The following TAF1A variants were observed in gnomAD, a reference collection of about 807,000 sequenced individuals.
The protein encoded by TAF1A is TATA box-binding protein-associated factor RNA polymerase I subunit A.
Under a neutral mutation model 61.6 loss-of-function variants are expected in TAF1A, and 42 were observed. The observed-to-expected ratio is 0.68, with a 90% CI of 0.53 to 0.88. The LOEUF (loss-of-function observed/expected upper bound fraction) is 0.88. Ranked by LOEUF, TAF1A falls within the 40% of genes least tolerant of loss-of-function variation. The pLI is 0.00. For synonymous variants in TAF1A, 179 were observed against 177.7 expected (o/e 1.01, Z -0.06); for missense variants, 424 against 518.7 (o/e 0.82, Z 1.77).
intron 5 of TAF1A, among the ~76,000 whole-genome samples, chr1:222,575,763 C>G (rs979427547): frequency 6.6e-6 from 1 of 152,120 alleles, no homozygotes; most frequent in African/African-American, 2.4e-5. Context: ...CATCTAAGAG[C>G]TCTACATATT....
chr1:222,568,575 G>C (rs1034023773), intron 7 of TAF1A, among the ~76,000 whole-genome samples: 5 of 152,096 alleles, frequency 3.3e-5, no homozygotes, highest in African/African-American at 9.7e-5. Context: ...ACCCACAAGA[G>C]GCTATTATTC....
At chr1:222,560,713 C>G (rs1558139901) in intron 10 of TAF1A, among the ~76,000 whole-genome samples, 1 of 152,090 alleles carries the variant, frequency 6.6e-6, no homozygotes, top group Non-Finnish European at 1.5e-5. Context: ...CCTTAAGCTC[C>G]CTAGCAATGG....
chr1:222,587,057 T>G (rs1661044247), intron 2 of TAF1A, among the ~76,000 whole-genome samples: 1 of 152,216 alleles, frequency 6.6e-6, no homozygotes, highest in Admixed American at 6.5e-5. Flanking sequence ...AAGTATGACT[T>G]AACTATAGGA....
intron 4 of TAF1A, among the ~76,000 whole-genome samples, chr1:222,578,656 C>T (rs958601124): frequency 2.6e-5 from 4 of 152,172 alleles, no homozygotes; most frequent in African/African-American, 9.7e-5. Flanking sequence ...CCTGATTCCC[C>T]TACCCATTAA....
At chr1:222,557,028 A>G (rs146429679), downstream of TAF1A, among the ~76,000 whole-genome samples, 792 of 152,312 alleles carry the variant, frequency 5.2e-3, 5 homozygotes, top group Non-Finnish European at 8.3e-3. Context: ...TTCTTTATTG[A>G]TAGACCTTTC....
chr1:222,564,026 T>G, intron 8 of TAF1A, 33 bp downstream of exon 8: 2 of 1,354,130 alleles, frequency 1.5e-6, no homozygotes, highest in Non-Finnish European at 2.1e-6. Context: ...ATAGCTTGTC[T>G]ACACAAGGTA....
At chr1:222,555,029 A>G (rs1012739477), downstream of TAF1A, among the ~76,000 whole-genome samples, 1 of 152,246 alleles carries the variant, frequency 6.6e-6, no homozygotes, top group African/African-American at 2.4e-5. Context: ...CAAATTGCTA[A>G]CAGGTATATG....
intron 4 of TAF1A, among the ~76,000 whole-genome samples, 159 bp from the exon 5 acceptor site, chr1:222,577,802 TA>T (rs1195504223): frequency 4.6e-5 from 7 of 152,200 alleles, no homozygotes; most frequent in African/African-American, 1.7e-4. Flanking sequence ...GGCAAAGAAG[TA>T]AGACATAGGA....
intron 5 of TAF1A, among the ~76,000 whole-genome samples, chr1:222,576,560 T>C (rs912343006): frequency 6.6e-6 from 1 of 152,162 alleles, no homozygotes; most frequent in Non-Finnish European, 1.5e-5. Context: ...AATGCAAATC[T>C]GGGCATAAAT....
chr1:222,568,181 GAAAA>G (rs34547178), intron 7 of TAF1A, among the ~76,000 whole-genome samples: 1 of 119,400 alleles, frequency 8.4e-6, no homozygotes. Context: ...AACACATCTA[GAAAA>G]AAAAAAAAAA....
chr1:222,562,178 A>T (rs997036281), intron 9 of TAF1A, among the ~76,000 whole-genome samples: 2 of 152,180 alleles, frequency 1.3e-5, no homozygotes, highest in African/African-American at 4.8e-5. Flanking sequence ...GGTATACAAC[A>T]TGTTTCATAT....
intron 6 of TAF1A, 38 bp from the exon 7 acceptor site, chr1:222,569,706 G>T: frequency 6.4e-7 from 1 of 1,553,990 alleles, no homozygotes; most frequent in African/African-American, 1.4e-5. Context: ...GCTGAATTCT[G>T]TAAGACAGCT....
chr1:222,588,631 G>A (rs1661124083), intron 1 of TAF1A, 66 bp from the exon 2 acceptor site: 5 of 1,502,342 alleles, frequency 3.3e-6, no homozygotes, highest in African/African-American at 1.4e-5. Flanking sequence ...GAGTTGTACA[G>A]AAAAACGGCT....
chr1:222,569,484 C>T, intron 7 of TAF1A, 26 bp downstream of exon 7: 1 of 1,613,270 alleles, frequency 6.2e-7, no homozygotes, highest in Non-Finnish European at 8.5e-7. Flanking sequence ...CAACCCTGGT[C>T]AAACATCGAG....
chr1:222,567,854 CAT>C (rs1381074996), intron 7 of TAF1A, among the ~76,000 whole-genome samples: 1 of 152,160 alleles, frequency 6.6e-6, no homozygotes, highest in Non-Finnish European at 1.5e-5. Context: ...ATTAAGGCCA[CAT>C]GAGATATTAC....
At position 222,588,512 on chromosome 1, in the gene TAF1A, C is replaced by G; in HGVS notation, c.52G>C (p.Val18Leu). ...GCACCACTGAGCACAGATGTTTCCACTTCTTCATCATCTGTCACAGGCCCT... is the reference window on the plus strand; with the variant it reads ...GCACCACTGAGCACAGATGTTTCCAGTTCTTCATCATCTGTCACAGGCCCT... ...LKGPVTDDEE[V>L]ETSVLSGAGM... Residue 18 changes from valine to leucine, a missense_variant, in exon 2 of 11, where the codon GTG (valine) becomes CTG (leucine). Transcript: ENST00000352967. 1 of 1,613,936 alleles carries G rather than the reference C, an allele frequency of 6.2e-7. No homozygotes were observed. The highest frequency in any genetic ancestry group is 8.5e-7 in the Non-Finnish European group (1 of 1,179,896).
chr1:222,568,254 T>A (rs1472575796), intron 7 of TAF1A, among the ~76,000 whole-genome samples: 1 of 146,508 alleles, frequency 6.8e-6, no homozygotes, highest in Non-Finnish European at 1.5e-5. Context: ...GCACTAACCA[T>A]AAAAGAAAAA....
Position 222,577,385 on chromosome 1 carries a change from C to G in TAF1A, c.604+60G>C, listed in dbSNP as rs975166666. The stretch of plus-strand genomic sequence containing the variant: ...CAATAGGGAAATTACTAGATTACTC[C>G]TTAAGATCCCTCTGCCCCTCAGTCT... On this transcript the variant is annotated intron_variant, in intron 5 of 10. Transcript: ENST00000352967. The G allele has an allele frequency of 2.1e-6, 3 of 1,406,438 alleles. No individual in the cohort carries two copies. The African/African-American group carries it at 4.3e-5, about 20-fold the overall frequency. 87.1% of individuals were successfully genotyped at this position (1,406,438 alleles called of 1,614,324 possible). A position where few individuals can be genotyped will look rare whatever the true frequency, so the allele number is the denominator to read the frequency against.
chr1:222,569,788 C>T, intron 6 of TAF1A, 120 bp from the exon 7 acceptor site: 1 of 848,608 alleles, frequency 1.2e-6, no homozygotes, highest in Non-Finnish European at 1.8e-6. Flanking sequence ...GACAGGGTTC[C>T]CATTTTTTCC....
Sources: gnomAD v4.1 joint callset for allele counts (sites outside exome capture counted in the v4.1 genomes callset) on GRCh38, gnomAD v4.1.1 for gene constraint, MANE v1.5 for transcripts, NCBI Gene and HGNC (gene_info 2026-07-23, HGNC 2026-07-21) for gene names.